CLIP1: variants seen among roughly 807,000 people sequenced by gnomAD.
CLIP1 encodes CAP-Gly domain-containing linker protein 1.
A neutral mutation model predicts 161.6 loss-of-function variants in CLIP1; 66 were observed. The observed-to-expected ratio is 0.41, with a 90% CI of 0.33 to 0.50. The LOEUF is 0.50. Ranked by LOEUF, CLIP1 falls within the 20% of genes least tolerant of loss-of-function variation. The pLI is 0.27. For synonymous variants in CLIP1, 598 were observed against 626.2 expected (o/e 0.96, Z 0.67); for missense variants, 1,376 against 1,702.0 (o/e 0.81, Z 3.37).
chr12:122,338,254 C>T (rs540787965), intron 11 of CLIP1, among the ~76,000 whole-genome samples: 2 of 152,236 alleles, frequency 1.3e-5, no homozygotes, highest in East Asian at 1.9e-4. Context: ...AGGAGAATCC[C>T]TTGAGCCTGG....
intron 1 of CLIP1, among the ~76,000 whole-genome samples, chr12:122,390,279 C>CACACACATATATATATACAT (rs1555280644): frequency 6.3e-5 from 5 of 78,978 alleles, no homozygotes; most frequent in Non-Finnish European, 8.1e-5. Flanking sequence ...TATATATATA[C>CACACACATATATATATACAT]ATATATATAT....
chr12:122,401,052 C>T (rs1401995376), intron 1 of CLIP1, among the ~76,000 whole-genome samples: 2 of 152,114 alleles, frequency 1.3e-5, no homozygotes, highest in South Asian at 2.1e-4. Flanking sequence ...GCTGGGATTA[C>T]AGGCACGTGC....
intron 20 of CLIP1, among the ~76,000 whole-genome samples, chr12:122,304,157 G>T (rs1566095267): frequency 6.6e-6 from 1 of 152,126 alleles, no homozygotes; most frequent in East Asian, 1.9e-4. Context: ...AAGGGGCATT[G>T]AGCCTCAGAA....
In CLIP1 at chr12:122,341,358, T is replaced by G; in HGVS notation, c.1846A>C (p.Asn616His). The G allele has an allele frequency of 6.2e-7, 1 of 1,614,116 alleles. No individual in the cohort carries two copies. The highest frequency in any genetic ancestry group is 8.5e-7 in the Non-Finnish European group (1 of 1,180,028). Reference sequence around the variant, plus strand: ...TTCCATAGAGCTATCACATCTGAGTTCTCTTTGTTGGCATGCTCCAGCTTG... The same window carrying G: ...TTCCATAGAGCTATCACATCTGAGTGCTCTTTGTTGGCATGCTCCAGCTTG... ...KSKLEHANKE[N>H]SDVIALWKSK... The change falls in exon 11 of 26, where the codon AAC becomes CAC. Residue 616 changes from asparagine to histidine, a missense_variant. By Grantham distance (68) the Asn-to-His change is moderately conservative. Around this residue, in one of 6 missense-constraint regions of CLIP1, gnomAD observed 948 missense variants for 1,134.8 expected, o/e 0.84. Transcript: ENST00000620786.
At chr12:122,286,377 C>T (rs1955852334) in intron 21 of CLIP1, among the ~76,000 whole-genome samples, 1 of 151,608 alleles carries the variant, frequency 6.6e-6, no homozygotes, top group African/African-American at 2.4e-5. Flanking sequence ...ATTAGCCAGG[C>T]ATGGTGGTGC....
chr12:122,381,704 T>C (rs980920994), intron 1 of CLIP1, among the ~76,000 whole-genome samples: 12 of 152,206 alleles, frequency 7.9e-5, no homozygotes, highest in South Asian at 2.1e-4. Flanking sequence ...CTTGTCTCCC[T>C]CACAGCCAAC....
intron 11 of CLIP1, among the ~76,000 whole-genome samples, chr12:122,337,738 G>A (rs1952299295): frequency 6.6e-6 from 1 of 152,084 alleles, no homozygotes; most frequent in African/African-American, 2.4e-5. Context: ...AACCTTGGCT[G>A]GTCACGGTGG....
At chr12:122,346,874 G>A (rs1952778552) in intron 10 of CLIP1, among the ~76,000 whole-genome samples, 1 of 152,160 alleles carries the variant, frequency 6.6e-6, no homozygotes, top group Non-Finnish European at 1.5e-5. Context: ...AAGATAAAAA[G>A]GTAACTGGGG....
chr12:122,389,211 T>C (rs780389065), intron 1 of CLIP1, among the ~76,000 whole-genome samples: 4 of 152,210 alleles, frequency 2.6e-5, no homozygotes, highest in Non-Finnish European at 4.4e-5. Flanking sequence ...CCTTGCACAC[T>C]TGGCCATGTG....
At chr12:122,394,848 G>A (rs1955847114) in intron 1 of CLIP1, among the ~76,000 whole-genome samples, 2 of 152,032 alleles carry the variant, frequency 1.3e-5, no homozygotes, top group African/African-American at 4.8e-5. Flanking sequence ...TGAGACTCCG[G>A]CTCAAAAATA....
intron 9 of CLIP1, among the ~76,000 whole-genome samples, chr12:122,350,786 C>T (rs1952995327): frequency 6.6e-6 from 1 of 151,324 alleles, no homozygotes; most frequent in African/African-American, 2.4e-5. Flanking sequence ...AATAATTCCA[C>T]TAAAATTAGA....
At chr12:122,307,228 C>T (rs966406517) in intron 20 of CLIP1, among the ~76,000 whole-genome samples, 5 of 151,880 alleles carry the variant, frequency 3.3e-5, no homozygotes, top group Non-Finnish European at 5.9e-5. Flanking sequence ...AGGCCGGTCT[C>T]GAACTCCTGA....
chr12:122,285,441 C>T (rs981694439), intron 21 of CLIP1, among the ~76,000 whole-genome samples: 3 of 152,048 alleles, frequency 2.0e-5, no homozygotes, highest in African/African-American at 7.2e-5. Flanking sequence ...ACCATGTTAG[C>T]CAGGATGGTC....
chr12:122,279,099 G>T lies in CLIP1; in HGVS notation c.3694C>A (p.Gln1232Lys), dbSNP rs756055262. 10 of 1,612,838 alleles carry T rather than the reference G, an allele frequency of 6.2e-6. No homozygotes were observed. The highest frequency in any genetic ancestry group is 8.5e-7 in the Non-Finnish European group (1 of 1,179,726). Residue 1232 changes from glutamine (Q) to lysine (K), a missense_variant, in exon 22 of 26, where the codon CAG becomes AAG. This residue lies in a region of CLIP1 where 948 missense variants were observed against 1,134.8 expected (regional missense o/e 0.84). Transcript: ENST00000620786. This position sits in a 1 kb window ranked among gnomAD's most constrained non-coding sequence, Gnocchi z 4.5. ...GCACTAGTTATACTGATGGATTTCT[G>T]CAAGGAAGCTTTCTCTTCATCTGCG... ...KDADEEKASLQKSISITSALL... is the reference protein window; with the variant it reads ...KDADEEKASLKKSISITSALL...
chr12:122,369,566 G>T (rs1250546255), intron 3 of CLIP1, among the ~76,000 whole-genome samples: 4 of 151,894 alleles, frequency 2.6e-5, no homozygotes, highest in African/African-American at 9.7e-5. Context: ...GGGTGTGACA[G>T]TGAATGAGAC....
intron 20 of CLIP1, among the ~76,000 whole-genome samples, chr12:122,307,918 AACT>A (rs1360103188): frequency 2.0e-5 from 3 of 152,216 alleles, no homozygotes; most frequent in Admixed American, 6.5e-5. Context: ...ACATACAGAA[AACT>A]ACCAGTGGCT....
intron 1 of CLIP1, among the ~76,000 whole-genome samples, chr12:122,387,118 C>T (rs985480069): frequency 2.0e-5 from 3 of 152,090 alleles, no homozygotes; most frequent in Admixed American, 2.0e-4. Flanking sequence ...TCTTGAACTC[C>T]TGGGCCCAAG....
chr12:122,309,057 C>T (rs1036870316), intron 20 of CLIP1, among the ~76,000 whole-genome samples: 2 of 152,196 alleles, frequency 1.3e-5, no homozygotes, highest in African/African-American at 4.8e-5. Context: ...AGATGTGACT[C>T]ACAATTCAGC....
intron 3 of CLIP1, among the ~76,000 whole-genome samples, chr12:122,372,339 G>C (rs1020672545): frequency 5.9e-5 from 9 of 151,902 alleles, no homozygotes; most frequent in Non-Finnish European, 1.2e-4. Flanking sequence ...AGAATCACTT[G>C]AACCCGGGAG....
Sources: gnomAD v4.1 joint callset for allele counts (sites outside exome capture counted in the v4.1 genomes callset) on GRCh38, gnomAD v4.1.1 for gene constraint, gnomAD v4.1.1 regional missense constraint, Gnocchi (gnomAD v3.1) non-coding constraint, MANE v1.5 for transcripts, NCBI Gene and HGNC (gene_info 2026-07-23, HGNC 2026-07-21) for gene names.